CDH22: variants seen among roughly 807,000 people sequenced by gnomAD.
CDH22 encodes the protein cadherin-22.
In CDH22, 30 loss-of-function variants were observed where a neutral mutation model predicts 58.4. That is an observed-to-expected ratio of 0.51 (90% CI 0.38 to 0.70). The LOEUF (loss-of-function observed/expected upper bound fraction) is 0.70, where lower values mean the gene tolerates loss of function less well. Among genes scored for constraint, CDH22 ranks in the 30% least tolerant of loss-of-function variants. CDH22 has a pLI of 0.00. For missense variants in CDH22, 1,014 were observed against 1,233.9 expected (o/e 0.82, Z 2.67); for synonymous variants, 513 against 558.2 (o/e 0.92, Z 1.14).
intron 2 of CDH22, among the ~76,000 whole-genome samples, chr20:46,246,357 C>G (rs964707067): frequency 6.6e-6 from 1 of 152,086 alleles, no homozygotes; most frequent in African/African-American, 2.4e-5. Context: ...TTAATCCTGC[C>G]GTATATCTAA....
chr20:46,190,457 C>G (rs1442641626), intron 8 of CDH22, among the ~76,000 whole-genome samples: 1 of 152,226 alleles, frequency 6.6e-6, no homozygotes, highest in Non-Finnish European at 1.5e-5. Flanking sequence ...ATGGCTTAGA[C>G]CCAGGCCCAA....
intron 1 of CDH22, among the ~76,000 whole-genome samples, chr20:46,287,038 G>A (rs1008670994): frequency 1.3e-5 from 2 of 152,088 alleles, no homozygotes; most frequent in African/African-American, 4.8e-5. Context: ...AGGGATAGAG[G>A]GGATGAAGCT....
At chr20:46,178,389 G>T (rs547748897) in intron 10 of CDH22, among the ~76,000 whole-genome samples, 192 bp from the exon 11 acceptor site, 6 of 151,974 alleles carry the variant, frequency 3.9e-5, no homozygotes, top group Admixed American at 1.3e-4. Context: ...GCCCCATGCT[G>T]CCCAAAGATT....
intron 3 of CDH22, among the ~76,000 whole-genome samples, chr20:46,229,682 A>G (rs928550984): frequency 1.3e-5 from 2 of 152,176 alleles, no homozygotes; most frequent in African/African-American, 4.8e-5. Flanking sequence ...GTTGTTGTCA[A>G]CTCAAGAGGC....
intron 2 of CDH22, among the ~76,000 whole-genome samples, chr20:46,250,835 A>C (rs2086366530): frequency 6.6e-6 from 1 of 152,202 alleles, no homozygotes; most frequent in African/African-American, 2.4e-5. Flanking sequence ...TCTAAGATGC[A>C]AAAGGGAGGG....
At chr20:46,261,041 C>T (rs1204173510) in intron 1 of CDH22, among the ~76,000 whole-genome samples, 1 of 152,144 alleles carries the variant, frequency 6.6e-6, no homozygotes, top group African/African-American at 2.4e-5. Context: ...ACCATGAGAT[C>T]CAAAGTCAGA....
Position 46,178,046 on chromosome 20 carries a change from G to A in CDH22, c.1815C>T (p.Ser605=), listed in dbSNP as rs747788571. The A allele has an allele frequency of 9.9e-6, 16 of 1,613,698 alleles. No homozygotes were observed. Among genetic ancestry groups the A allele is most frequent in the African/African-American group, 1.3e-5 (1 of 74,910 alleles). ...TGGTGTTGCAGGACTGGATGGTGCC[G>A]GAGCTGTCGCAGCCACAGATGCGGA... ...LTIRICGCDS[S]GTIQSCNTTA... Residue 605 remains serine, a synonymous_variant, in exon 11 of 12, where the codon TCC becomes TCT. Coordinates refer to ENST00000537909, the MANE Select transcript of CDH22 (RefSeq NM_021248.3).
chr20:46,279,501 G>A (rs1039253608), intron 1 of CDH22, among the ~76,000 whole-genome samples: 4 of 152,164 alleles, frequency 2.6e-5, no homozygotes, highest in Non-Finnish European at 4.4e-5. Context: ...TTTCAAAAAC[G>A]TTGTTGGAGA....
At chr20:46,307,062 C>T (rs1445357413) in intron 1 of CDH22, among the ~76,000 whole-genome samples, 1 of 152,204 alleles carries the variant, frequency 6.6e-6, no homozygotes, top group African/African-American at 2.4e-5. Context: ...GGGGGCACCT[C>T]GGCCAGCCCC....
chr20:46,224,861 A>T (rs2086159630), intron 4 of CDH22, among the ~76,000 whole-genome samples: 1 of 152,122 alleles, frequency 6.6e-6, no homozygotes, highest in Non-Finnish European at 1.5e-5. Context: ...CTGGCCTCCT[A>T]GCTAGACAGG....
At chr20:46,180,657 G>A (rs1283327107) in intron 10 of CDH22, among the ~76,000 whole-genome samples, 2 of 152,100 alleles carry the variant, frequency 1.3e-5, no homozygotes, top group Admixed American at 1.3e-4. Flanking sequence ...TGTATATATG[G>A]AAATTGTGGC....
rs1373197249 is a variant in CDH22 at position 46,216,041 on chromosome 20, C to T, written c.838+785G>A. On this transcript the variant is annotated intron_variant, in intron 5 of 11. Coordinates refer to ENST00000537909, the MANE Select transcript of CDH22 (RefSeq NM_021248.3). This position sits in a 1 kb window ranked among gnomAD's most constrained non-coding sequence, Gnocchi z 5.3. ...TTCCCTTATCTCTCGGGGGTCAGTC[C>T]CCTGTGGCGGGGCCTAATGTGAGAG... Among the ~76,000 whole-genome samples the T allele has an allele frequency of 6.6e-6, 1 of 150,442 alleles. No homozygotes were observed. The highest frequency in any genetic ancestry group is 1.5e-5 in the Non-Finnish European group (1 of 67,460).
chr20:46,305,438 G>T (rs2086670755), intron 1 of CDH22, among the ~76,000 whole-genome samples: 1 of 152,176 alleles, frequency 6.6e-6, no homozygotes, highest in Non-Finnish European at 1.5e-5. Context: ...TGAGGCCTGG[G>T]TTTCCTCTCA....
chr20:46,277,418 C>T (rs1286864839), intron 1 of CDH22, among the ~76,000 whole-genome samples: 7 of 152,216 alleles, frequency 4.6e-5, no homozygotes, highest in Admixed American at 2.6e-4. Flanking sequence ...AGGTGGCACA[C>T]ACACCACGTC....
chr20:46,247,107 T>C (rs959164879), intron 2 of CDH22, among the ~76,000 whole-genome samples: 13 of 152,094 alleles, frequency 8.5e-5, no homozygotes, highest in Non-Finnish European at 8.8e-5. Context: ...TTTTTGGGAT[T>C]TGGGGCGGGA....
At chr20:46,290,181 T>C (rs2086594438) in intron 1 of CDH22, among the ~76,000 whole-genome samples, 1 of 152,220 alleles carries the variant, frequency 6.6e-6, no homozygotes, top group African/African-American at 2.4e-5. Context: ...GGGGCTCAAC[T>C]TGAGGATATT....
chr20:46,186,912 T>C lies in CDH22; in HGVS notation c.1459A>G (p.Ile487Val). ...TTGTCGTTCACATCCAGGATTCGGA[T>C]CCTTAGGGATGCCCGGGATAGCTGT... ...HAQLSRASLR[I>V]RILDVNDNPP... Residue 487 changes from isoleucine to valine, a missense_variant, in exon 9 of 12, where the codon ATC (isoleucine) becomes GTC (valine). Ile to Val is a conservative substitution (Grantham distance 29). Around this residue, in one of 2 missense-constraint regions of CDH22, gnomAD observed 806 missense variants for 1,038.7 expected, o/e 0.78. Transcript: ENST00000537909. The C allele has an allele frequency of 6.2e-7, 1 of 1,610,358 alleles. No homozygotes were observed. Among genetic ancestry groups the C allele is most frequent in the South Asian group, 1.1e-5 (1 of 90,328 alleles).
intron 10 of CDH22, among the ~76,000 whole-genome samples, chr20:46,178,661 C>T (rs1321260890): frequency 5.5e-5 from 8 of 145,454 alleles, no homozygotes; most frequent in Admixed American, 4.2e-4. Context: ...AGCTTCCCAG[C>T]GTATTCTGAC....
At chr20:46,276,865 T>C (rs2086521043) in intron 1 of CDH22, among the ~76,000 whole-genome samples, 1 of 152,178 alleles carries the variant, frequency 6.6e-6, no homozygotes, top group Admixed American at 6.5e-5. Flanking sequence ...AGATGTCAAA[T>C]GGATGGTTTA....
Sources: gnomAD v4.1 joint callset for allele counts (sites outside exome capture counted in the v4.1 genomes callset) on GRCh38, gnomAD v4.1.1 for gene constraint, gnomAD v4.1.1 regional missense constraint, Gnocchi (gnomAD v3.1) non-coding constraint, MANE v1.5 for transcripts, NCBI Gene and HGNC (gene_info 2026-07-23, HGNC 2026-07-21) for gene names.